Variants in SLC30A8 observed in about 807,000 individuals in gnomAD.
The protein encoded by SLC30A8 is solute carrier family 30 member 8.
SLC30A8 carries 27 observed loss-of-function variants against 36.9 expected under a neutral mutation model. The observed-to-expected ratio is 0.73, with a 90% CI of 0.54 to 1.01. The LOEUF (loss-of-function observed/expected upper bound fraction) is 1.01. SLC30A8 is among the 50% of genes least tolerant of loss of function. SLC30A8 has a pLI of 0.00. For synonymous variants in SLC30A8, 164 were observed against 172.4 expected (o/e 0.95, Z 0.38); for missense variants, 439 against 452.0 (o/e 0.97, Z 0.26).
chr8:117,108,936 G>T (rs1240846842), intron 2 of SLC30A8, among the ~76,000 whole-genome samples: 1 of 152,094 alleles, frequency 6.6e-6, no homozygotes, highest in Non-Finnish European at 1.5e-5. Context: ...CCTTTTATTG[G>T]AATACTTTCT....
chr8:117,097,614 AAAT>A (rs1293901973), intron 2 of SLC30A8, among the ~76,000 whole-genome samples: 3 of 100,224 alleles, frequency 3.0e-5, no homozygotes, highest in East Asian at 2.8e-4. Flanking sequence ...ATATAATTTT[AAAT>A]AATATATATT....
chr8:116,965,517 G>T (rs1814571427), intron 1 of SLC30A8, among the ~76,000 whole-genome samples: 1 of 152,206 alleles, frequency 6.6e-6, no homozygotes, highest in African/African-American at 2.4e-5. Context: ...TGTCTGCTGA[G>T]GTTGTTCTGT....
intron 1 of SLC30A8, among the ~76,000 whole-genome samples, chr8:117,015,822 A>G (rs1243198751): frequency 6.6e-6 from 1 of 152,144 alleles, no homozygotes; most frequent in Non-Finnish European, 1.5e-5. Context: ...AATGATCCTA[A>G]TTGGTGTTAT....
intron 1 of SLC30A8, among the ~76,000 whole-genome samples, chr8:117,030,038 G>A (rs575483614): frequency 1.6e-4 from 24 of 152,052 alleles, no homozygotes; most frequent in Non-Finnish European, 2.4e-4. Flanking sequence ...GCAGATCTTA[G>A]ACATTTTCAG....
chr8:117,131,018 A>G (rs1270758332), upstream of SLC30A8, among the ~76,000 whole-genome samples: 2 of 151,974 alleles, frequency 1.3e-5, no homozygotes, highest in East Asian at 1.9e-4. Flanking sequence ...AAGTCTTTCT[A>G]TTCTTAACAA....
chr8:117,013,534 A>C (rs535106397), intron 1 of SLC30A8, among the ~76,000 whole-genome samples: 1 of 152,216 alleles, frequency 6.6e-6, no homozygotes, highest in African/African-American at 2.4e-5. Context: ...ATAAAATATT[A>C]ATATTCATTC....
chr8:117,141,445 C>T (rs928715047), intron 1 of SLC30A8, among the ~76,000 whole-genome samples: 6 of 152,170 alleles, frequency 3.9e-5, no homozygotes, highest in East Asian at 1.9e-4. Flanking sequence ...ATGCAGAAAA[C>T]GAATGGACAA....
chr8:117,167,321 G>A lies in SLC30A8; in HGVS notation c.830-3713G>A, dbSNP rs113211568. ...TAAATTAGGTTTTCAAACTATGTTA[G>A]TATAGTACTTAGTAAAATTTAAAAA... On this transcript the variant is annotated intron_variant, in intron 6 of 7. Transcript: ENST00000456015. Among the ~76,000 whole-genome samples, 525 of 152,168 alleles carry A rather than the reference G, an allele frequency of 3.5e-3. 9 individuals carry two copies. The East Asian group carries it at 0.062, about 18-fold the overall frequency.
At position 117,082,731 on chromosome 8, in the gene SLC30A8, T is replaced by C. The variant is rs1818715941; in HGVS notation, c.-226+43473T>C. On this transcript the variant is annotated intron_variant, in intron 2 of 10. Transcript: ENST00000427715. ...TTGGGAGAAACGATAATGTAAGAAG[T>C]GTTCAGTCAGGACTAGAGAACGAGC... 5.3e-5 allele frequency among the ~76,000 whole-genome samples: 8 copies of C among 152,280 alleles called. No homozygotes were observed. The South Asian group carries it at 1.7e-3, about 32-fold the overall frequency.
chr8:117,075,761 C>T (rs1471556210), intron 2 of SLC30A8, among the ~76,000 whole-genome samples: 1 of 152,142 alleles, frequency 6.6e-6, no homozygotes. Flanking sequence ...CTTTCATGTT[C>T]CAAACCCTTC....
upstream of SLC30A8, among the ~76,000 whole-genome samples, chr8:117,132,341 A>G (rs1305813455): frequency 1.3e-5 from 2 of 152,044 alleles, no homozygotes; most frequent in Non-Finnish European, 2.9e-5. Flanking sequence ...GTTGCTGACA[A>G]CAGCTAGGAC....
Position 117,010,828 on chromosome 8 carries a change from A to T in SLC30A8, c.-265-28391A>T, listed in dbSNP as rs578207983. Reference sequence around the variant, plus strand: ...ATGGCACAGCAAGAGCAAAAGAGAGATGGGGGAAGTGCTGTACACTTTTAA... The same window carrying T: ...ATGGCACAGCAAGAGCAAAAGAGAGTTGGGGGAAGTGCTGTACACTTTTAA... On this transcript the variant is annotated intron_variant, in intron 1 of 10. Coordinates refer to the SLC30A8 transcript ENST00000427715. Among the ~76,000 whole-genome samples the T allele has an allele frequency of 4.6e-5, 7 of 152,278 alleles. 1 individual carries two copies. The South Asian group carries it at 1.5e-3, about 32-fold the overall frequency.
chr8:117,155,796 C>T (rs1354445007), intron 3 of SLC30A8, among the ~76,000 whole-genome samples: 1 of 152,158 alleles, frequency 6.6e-6, no homozygotes, highest in Admixed American at 6.5e-5. Context: ...GAAGTCAGTT[C>T]CAGGCCTCTC....
rs183552727 is a variant in SLC30A8 at position 116,951,348 on chromosome 8, C to A, written c.-266+229C>A. On this transcript the variant is annotated intron_variant, in intron 1 of 10. Coordinates refer to the SLC30A8 transcript ENST00000427715. ...AAAGTGTGCTTAGTGAGCAATTAAA[C>A]AAGGGAAGCTTGTTTAAAAAGAAGA... is the stretch of plus-strand genomic sequence containing the variant. 3.3e-5 allele frequency among the ~76,000 whole-genome samples: 5 copies of A among 152,244 alleles called. No individual in the cohort carries two copies. The East Asian group carries it at 9.7e-4, about 29-fold the overall frequency.
At chr8:117,024,542 G>A (rs146589136) in intron 1 of SLC30A8, among the ~76,000 whole-genome samples, 5 of 152,266 alleles carry the variant, frequency 3.3e-5, no homozygotes, top group Non-Finnish European at 7.4e-5. Context: ...TATTGTACTT[G>A]TATTACCCCT....
At chr8:117,121,220 C>T (rs1820680995) in intron 2 of SLC30A8, among the ~76,000 whole-genome samples, 1 of 151,734 alleles carries the variant, frequency 6.6e-6, no homozygotes, top group South Asian at 2.1e-4. Context: ...TTTCACAATA[C>T]CCAAGATGTG....
At chr8:117,005,351 C>T (rs1258782835) in intron 1 of SLC30A8, among the ~76,000 whole-genome samples, 3 of 152,198 alleles carry the variant, frequency 2.0e-5, no homozygotes. Flanking sequence ...TACCTTCTTT[C>T]ACTTAGCATA....
chr8:117,064,867 A>G (rs1254430694), intron 2 of SLC30A8, among the ~76,000 whole-genome samples: 1 of 152,242 alleles, frequency 6.6e-6, no homozygotes, highest in Non-Finnish European at 1.5e-5. Flanking sequence ...GGAGTGGATC[A>G]TTGCAATGGC....
intron 1 of SLC30A8, among the ~76,000 whole-genome samples, chr8:116,956,856 A>G (rs1216917852): frequency 1.3e-5 from 2 of 152,196 alleles, no homozygotes; most frequent in Non-Finnish European, 2.9e-5. Flanking sequence ...CAGAATTACA[A>G]ATGACTGGTA....
Sources: allele counts gnomAD v4.1 joint callset (sites outside exome capture counted in the v4.1 genomes callset), GRCh38; gene constraint gnomAD v4.1.1; transcripts MANE v1.5; gene names NCBI Gene and HGNC (gene_info 2026-07-23, HGNC 2026-07-21).